The following KIF1A variants were observed in gnomAD, a reference collection of about 807,000 sequenced individuals.
KIF1A encodes the protein kinesin-like protein KIF1A.
A neutral mutation model predicts 227.3 loss-of-function variants in KIF1A; 46 were observed. The ratio of observed to expected loss-of-function variants is 0.20; its 90% confidence interval spans 0.16 to 0.26. KIF1A has a LOEUF of 0.26. Among genes scored for constraint, KIF1A ranks in the 10% least tolerant of loss-of-function variants. The probability of loss-of-function intolerance (pLI) is 1.00; values close to 1 mark genes in which losing one functional copy is unlikely to be tolerated. For synonymous variants in KIF1A, 1,022 were observed against 1,012.8 expected (o/e 1.01, Z -0.17); for missense variants, 1,683 against 2,485.9 (o/e 0.68, Z 6.87).
rs1001658665 is a variant in KIF1A at position 240,792,887 on chromosome 2, G to A, written c.107-3575C>T. 3.3e-5 allele frequency among the ~76,000 whole-genome samples: 5 copies of A among 152,182 alleles called. No individual in the cohort carries two copies. The highest frequency in any genetic ancestry group is 1.2e-4 in the African/African-American group (5 of 41,442). ...CAGGAAGGCAGCAGCTGCAGGCTGG[G>A]AAGACAGCCCTCCCACGATCTAGAC... On this transcript the variant is annotated intron_variant, in intron 2 of 48. Transcript: ENST00000498729. This position sits in a 1 kb window ranked among gnomAD's most constrained non-coding sequence, Gnocchi z 4.5.
In KIF1A at chr2:240,788,267, G is replaced by A. The variant is rs778685469; in HGVS notation, c.184-37C>T. 6.3e-7 allele frequency: 1 copy of A among 1,599,402 alleles called. No homozygotes were observed. The highest frequency in any genetic ancestry group is 1.7e-5 in the Admixed American group (1 of 59,476). ...GGAAGGAATGAAGTTGCAGGAGGCT[G>A]GGTGCATCCGAGGCTCAGCCCATCA... is the stretch of plus-strand genomic sequence containing the variant. On this transcript the variant is annotated intron_variant, in intron 3 of 48. Coordinates refer to ENST00000498729, the MANE Select transcript of KIF1A (RefSeq NM_001244008.2). This position sits in a 1 kb window ranked among gnomAD's most constrained non-coding sequence, Gnocchi z 6.6.
intron 27 of KIF1A, among the ~76,000 whole-genome samples, chr2:240,753,336 T>C (rs960361783): frequency 2.6e-5 from 4 of 152,230 alleles, no homozygotes; most frequent in African/African-American, 9.6e-5. Flanking sequence ...TGTGAGGCTG[T>C]AGCAGGCAGG....
At chr2:240,735,533 G>C (rs1016823672) in intron 38 of KIF1A, among the ~76,000 whole-genome samples, 3 of 152,160 alleles carry the variant, frequency 2.0e-5, no homozygotes, top group Non-Finnish European at 2.9e-5. Context: ...TGGGCTGAGG[G>C]GGGTCAGAGG....
chr2:240,731,884 T>G (rs74591048), intron 38 of KIF1A, among the ~76,000 whole-genome samples: 32 of 32,312 alleles, frequency 9.9e-4, no homozygotes, highest in Admixed American at 2.6e-3. Flanking sequence ...GGGTAAGGGA[T>G]GAGGGGAGGA....
At chr2:240,737,393 C>T (rs957125691) in intron 37 of KIF1A, 2 of 473,124 alleles carry the variant, frequency 4.2e-6, no homozygotes, top group Non-Finnish European at 7.9e-6. Context: ...GTCTCTCGGC[C>T]ACAGTGAACA....
At chr2:240,811,082 C>T (rs1242777466) in intron 1 of KIF1A, among the ~76,000 whole-genome samples, 1 of 152,208 alleles carries the variant, frequency 6.6e-6, no homozygotes, top group Non-Finnish European at 1.5e-5. Context: ...TAACTATTGG[C>T]CGCGTGCAGT....
At chr2:240,816,147 A>C (rs1443867186) in intron 1 of KIF1A, among the ~76,000 whole-genome samples, 2 of 75,596 alleles carry the variant, frequency 2.6e-5, no homozygotes, top group Admixed American at 1.7e-4. Context: ...CAAGGGATGC[A>C]GAGTGTGTGT....
chr2:240,798,727 C>T (rs1575656163), intron 1 of KIF1A, among the ~76,000 whole-genome samples: 3 of 152,330 alleles, frequency 2.0e-5, no homozygotes, highest in East Asian at 1.9e-4. Context: ...CTGCTGCTTC[C>T]CCGTGGGACT....
intron 38 of KIF1A, among the ~76,000 whole-genome samples, chr2:240,730,045 C>T (rs746303683): frequency 2.4e-4 from 36 of 152,230 alleles, no homozygotes; most frequent in Non-Finnish European, 4.7e-4. Context: ...CACCTGGTCA[C>T]GGGCAGCAGA....
chr2:240,802,995 G>A (rs2057099384), intron 1 of KIF1A, among the ~76,000 whole-genome samples: 1 of 152,108 alleles, frequency 6.6e-6, no homozygotes, highest in Non-Finnish European at 1.5e-5. Flanking sequence ...TGGTCATAAA[G>A]CAAACTTCCA....
Position 240,778,607 on chromosome 2 carries a change from G to A in KIF1A, c.883-2681C>T, listed in dbSNP as rs371147745. On this transcript the variant is annotated intron_variant, in intron 10 of 48. Transcript: ENST00000498729. This position sits in a 1 kb window ranked among gnomAD's most constrained non-coding sequence, Gnocchi z 7.2. ...CAGCTCCCGAAAACCCCTTCAGCTCGGCCCCCGTCCCCACACAGCTCCCCA... is the reference window on the plus strand; with the variant it reads ...CAGCTCCCGAAAACCCCTTCAGCTCAGCCCCCGTCCCCACACAGCTCCCCA... 4.8e-5 allele frequency among the ~76,000 whole-genome samples: 7 copies of A among 146,378 alleles called. No homozygotes were observed. The highest frequency in any genetic ancestry group is 1.6e-4 in the African/African-American group (6 of 38,702).
intron 10 of KIF1A, among the ~76,000 whole-genome samples, chr2:240,780,844 AGCTC>A (rs1486610372): frequency 1.5e-3 from 79 of 51,760 alleles, no homozygotes; most frequent in East Asian, 8.5e-3. Context: ...ACACACACAC[AGCTC>A]CACACACACA....
chr2:240,774,732 T>C (rs976815285), intron 11 of KIF1A, among the ~76,000 whole-genome samples: 1 of 152,208 alleles, frequency 6.6e-6, no homozygotes, highest in Non-Finnish European at 1.5e-5. Context: ...ATGCGTGGCA[T>C]GAGGAACAGA....
intron 28 of KIF1A, among the ~76,000 whole-genome samples, chr2:240,750,204 T>A (rs994879741): frequency 2.6e-5 from 4 of 152,044 alleles, no homozygotes; most frequent in African/African-American, 9.7e-5. Context: ...GGGCTTCCCC[T>A]CCAGGGCCCA....
intron 1 of KIF1A, among the ~76,000 whole-genome samples, chr2:240,800,477 T>C (rs965968992): frequency 6.6e-6 from 1 of 152,164 alleles, no homozygotes; most frequent in Non-Finnish European, 1.5e-5. Context: ...AGACGGGAGC[T>C]GGCCTCCGCA....
Position 240,742,780 on chromosome 2 carries a change from G to C in KIF1A, c.3640+149C>G, listed in dbSNP as rs2048137696. The C allele has an allele frequency of 5.4e-5, 37 of 681,098 alleles. No homozygotes were observed. In the South Asian group the frequency reaches 6.9e-4, roughly 13 times the overall value. 42.2% of individuals were successfully genotyped at this position (681,098 alleles called of 1,614,324 possible). On this transcript the variant is annotated intron_variant, in intron 34 of 48. Coordinates refer to ENST00000498729, the MANE Select transcript of KIF1A (RefSeq NM_001244008.2). ...CCCTTGCTCCATGGGGACCCCGTGA[G>C]GCCTGACAGGCTCAGGGTGGCGCCA...
At chr2:240,786,837 G>GCCATCAGGAAC (rs2055000370) in intron 5 of KIF1A, among the ~76,000 whole-genome samples, 1 of 57,310 alleles carries the variant, frequency 1.7e-5, no homozygotes, top group Non-Finnish European at 3.8e-5. Flanking sequence ...GGTGGGGGCT[G>GCCATCAGGAAC]CCTGCTGAGC....
In KIF1A at chr2:240,724,014, C is replaced by T. The variant is rs576169931; in HGVS notation, c.4279G>A (p.Glu1427Lys). 10 of 1,612,610 alleles carry T rather than the reference C, an allele frequency of 6.2e-6. No individual in the cohort carries two copies. The highest frequency in any genetic ancestry group is 4.4e-5 in the South Asian group (4 of 91,088). The change falls in exon 41 of 49, where the codon GAG becomes AAG. Residue 1427 changes from glutamate to lysine, a missense_variant. Glu to Lys is a moderately conservative substitution (Grantham distance 56). This residue lies in a region of KIF1A where 759 missense variants were observed against 1,020.2 expected (regional missense o/e 0.74). Coordinates refer to ENST00000498729, the MANE Select transcript of KIF1A (RefSeq NM_001244008.2). ...SESNRVTGVY[E>K]LSLCHVADAG... ...TCAGCCACGTGGCACAGGCTGAGCT[C>T]GTACACACCAGTCACACGGTTACTG...
chr2:240,718,013 C>A, intron 48 of KIF1A, 37 bp downstream of exon 48: 1 of 1,387,266 alleles, frequency 7.2e-7, no homozygotes, highest in Non-Finnish European at 1.0e-6. Context: ...AGGGCAGGAC[C>A]CCCATGGCAG....
Sources: gnomAD v4.1 joint callset for allele counts (sites outside exome capture counted in the v4.1 genomes callset) on GRCh38, gnomAD v4.1.1 for gene constraint, gnomAD v4.1.1 regional missense constraint, Gnocchi (gnomAD v3.1) non-coding constraint, MANE v1.5 for transcripts, NCBI Gene and HGNC (gene_info 2026-07-23, HGNC 2026-07-21) for gene names.